The following STX17 variants were observed in gnomAD, a reference collection of about 807,000 sequenced individuals.
STX17 encodes syntaxin 17, also known as syntaxin-17.
STX17 carries 29 observed loss-of-function variants against 35.9 expected under a neutral mutation model. The ratio of observed to expected loss-of-function variants is 0.81; its 90% CI spans 0.60 to 1.10. The LOEUF (loss-of-function observed/expected upper bound fraction) is 1.10, where lower values mean the gene tolerates loss of function less well. STX17 is among the 50% of genes least tolerant of loss of function. The pLI, the probability that STX17 is intolerant of heterozygous loss-of-function variation, is 0.00. For missense variants in STX17, 312 were observed against 352.3 expected (o/e 0.89, Z 0.92); for synonymous variants, 92 against 118.3 (o/e 0.78, Z 1.44).
At chr9:99,953,366 G>A (rs1446085049) in intron 4 of STX17, among the ~76,000 whole-genome samples, 5 of 152,102 alleles carry the variant, frequency 3.3e-5, no homozygotes, top group East Asian at 3.9e-4. Context: ...AATTTCACAT[G>A]CACTGTAACC....
rs774422836 is a variant in STX17 at position 99,968,695 on chromosome 9, G to C, written c.*22G>C. The C allele has an allele frequency of 5.6e-6, 9 of 1,605,572 alleles. No homozygotes were observed. Among genetic ancestry groups the C allele is most frequent in the African/African-American group, 1.3e-5 (1 of 74,762 alleles). ...TTAAAAACCAAATTTCAGTATTATT[G>C]GTGCCAACATGTCTATCCTGAGGAC... On this transcript the variant is annotated 3_prime_UTR_variant, in exon 8 of 8. Transcript: ENST00000259400.
In STX17 at chr9:99,942,291, A is replaced by AT. The variant is rs1236881608; in HGVS notation, c.190-8762dup. 2.0e-5 allele frequency among the ~76,000 whole-genome samples: 3 copies of AT among 151,952 alleles called. 1 individual carries two copies. Among genetic ancestry groups the AT allele is most frequent in the Admixed American group, 1.3e-4 (2 of 15,264 alleles). On this transcript the variant is annotated intron_variant, in intron 3 of 7. Coordinates refer to ENST00000259400, the MANE Select transcript of STX17 (RefSeq NM_017919.3). The stretch of plus-strand genomic sequence containing the variant: ...GCCTAAGTTTCTGTGGGTTGTTTGT[A>AT]TTTTTTTATATTGATTTGTAAGACT...
chr9:99,935,660 A>T (rs998104418), intron 3 of STX17, among the ~76,000 whole-genome samples: 1 of 152,214 alleles, frequency 6.6e-6, no homozygotes, highest in Admixed American at 6.5e-5. Context: ...AATATGTTAG[A>T]TGATTATAAG....
At position 99,968,516 on chromosome 9, in the gene STX17, C is replaced by A; in HGVS notation, c.752C>A (p.Ala251Glu). 2 of 1,613,130 alleles carry A rather than the reference C, an allele frequency of 1.2e-6. No individual in the cohort carries two copies. The highest frequency in any genetic ancestry group is 1.1e-5 in the South Asian group (1 of 90,960). The change falls in exon 8 of 8, where the codon GCA becomes GAA. Residue 251 changes from alanine to glutamate, a missense_variant. By Grantham distance (107) the Ala-to-Glu change is moderately radical. Transcript: ENST00000259400. ...GMVGGPIGLL[A>E]GFKVAGIAAA... Reference sequence around the variant, plus strand: ...GTAGGGGGTCCTATTGGCCTCCTTGCAGGCTTCAAAGTGGCAGGAATTGCA... The same window carrying A: ...GTAGGGGGTCCTATTGGCCTCCTTGAAGGCTTCAAAGTGGCAGGAATTGCA...
rs1829093389 is a variant in STX17, at chr9:99,930,337, G to A, written c.189+1494G>A. Among the ~76,000 whole-genome samples the A allele has an allele frequency of 3.3e-5, 5 of 150,702 alleles. No homozygotes were observed. The South Asian group carries it at 6.3e-4, about 19-fold the overall frequency. ...GGCTGGAGTGCAGTGGCTCAATCTC[G>A]GCTCACTGCAAGCTCCTCCTCCTGG... On this transcript the variant is annotated intron_variant, in intron 3 of 7. Coordinates refer to ENST00000259400, the MANE Select transcript of STX17 (RefSeq NM_017919.3).
intron 1 of STX17, among the ~76,000 whole-genome samples, chr9:99,912,809 T>A (rs938172550): frequency 2.0e-5 from 3 of 152,214 alleles, no homozygotes; most frequent in Admixed American, 6.5e-5. Context: ...CTTTGTTCTT[T>A]CATCCACCCA....
chr9:99,968,592 A>C lies in STX17; in HGVS notation c.828A>C (p.Gln276His), dbSNP rs763726317. 1.2e-6 allele frequency: 2 copies of C among 1,613,974 alleles called. No individual in the cohort carries two copies. The highest frequency in any genetic ancestry group is 2.2e-5 in the South Asian group (2 of 91,078). The part of the protein sequence containing the change: ...VLGFTGGKLI[Q>H]RKKQKMMEKL... ...GCTTCACAGGTGGAAAATTGATACA[A>C]AGAAAGAAACAGAAAATGATGGAGA... The change falls in exon 8 of 8, where the codon CAA becomes CAC. Residue 276 changes from glutamine (Q) to histidine (H), a missense_variant. Coordinates refer to ENST00000259400, the MANE Select transcript of STX17 (RefSeq NM_017919.3).
rs1830024313 is a variant in STX17 at position 99,972,010 on chromosome 9, G to A, written c.*3337G>A. On this transcript the variant is annotated 3_prime_UTR_variant, in exon 8 of 8. Transcript: ENST00000259400. ...CAAAAAAATATTTAAAAAAAGGTGG[G>A]TCATCCATTCTCCTTTACCAAACAG... Among the ~76,000 whole-genome samples, 1 of 152,100 alleles carries A rather than the reference G, an allele frequency of 6.6e-6. No homozygotes were observed. Among genetic ancestry groups the A allele is most frequent in the African/African-American group, 2.4e-5 (1 of 41,408 alleles).
intron 3 of STX17, among the ~76,000 whole-genome samples, chr9:99,939,819 C>G (rs953489751): frequency 3.9e-5 from 6 of 152,194 alleles, no homozygotes; most frequent in African/African-American, 1.4e-4. Flanking sequence ...AATAGAGAAT[C>G]AAAAGCAAAA....
chr9:99,922,200 A>G (rs984494375), intron 2 of STX17, among the ~76,000 whole-genome samples: 9 of 152,160 alleles, frequency 5.9e-5, no homozygotes, highest in Non-Finnish European at 8.8e-5. Flanking sequence ...TTTGCCTTTC[A>G]GATTATTTAT....
chr9:99,915,056 C>T (rs1172715553), intron 1 of STX17, 122 bp from the exon 2 acceptor site: 2 of 511,006 alleles, frequency 3.9e-6, no homozygotes, highest in African/African-American at 4.0e-5. Context: ...ACAAGTCACT[C>T]AAGGTCAGCA....
At chr9:99,943,926 C>G (rs1564068331) in intron 3 of STX17, among the ~76,000 whole-genome samples, 1 of 151,910 alleles carries the variant, frequency 6.6e-6, no homozygotes, top group Non-Finnish European at 1.5e-5. Context: ...TGGGCTTTTT[C>G]TTTGTTTGTT....
At chr9:99,923,927 C>T (rs1481772345) in intron 2 of STX17, among the ~76,000 whole-genome samples, 1 of 152,168 alleles carries the variant, frequency 6.6e-6, no homozygotes. Flanking sequence ...CCTGGAGACA[C>T]CACCCTTCAG....
intron 3 of STX17, chr9:99,937,911 G>A (rs1397803116): frequency 1.3e-5 from 2 of 152,102 alleles, no homozygotes; most frequent in Admixed American, 6.6e-5. Context: ...ATCCTTTAGG[G>A]TCTTACTCTT....
intron 3 of STX17, among the ~76,000 whole-genome samples, chr9:99,935,857 G>A (rs969996092): frequency 2.6e-5 from 4 of 152,142 alleles, no homozygotes; most frequent in African/African-American, 9.7e-5. Context: ...GAGGTGAGAG[G>A]ATGTGGCATA....
chr9:99,935,041 A>G (rs1215994173), intron 3 of STX17, among the ~76,000 whole-genome samples: 1 of 152,122 alleles, frequency 6.6e-6, no homozygotes, highest in Non-Finnish European at 1.5e-5. Flanking sequence ...TAATTTATTA[A>G]AAGTGTAGGC....
intron 2 of STX17, among the ~76,000 whole-genome samples, chr9:99,920,006 G>T (rs1313270998): frequency 6.6e-6 from 1 of 152,258 alleles, no homozygotes; most frequent in African/African-American, 2.4e-5. Context: ...TCTTTTTAGT[G>T]TGTGAATATC....
At chr9:99,923,119 C>CT (rs1372267225) in intron 2 of STX17, among the ~76,000 whole-genome samples, 1 of 151,612 alleles carries the variant, frequency 6.6e-6, no homozygotes, top group Non-Finnish European at 1.5e-5. Context: ...CCTTTCCTCT[C>CT]TTTTTTTTCT....
At chr9:99,933,293 G>C (rs1829162973) in intron 3 of STX17, among the ~76,000 whole-genome samples, 2 of 152,076 alleles carry the variant, frequency 1.3e-5, no homozygotes, top group Non-Finnish European at 2.9e-5. Context: ...GTCTATTTCT[G>C]CACCAAATTC....
Sources: allele counts gnomAD v4.1 joint callset (sites outside exome capture counted in the v4.1 genomes callset), GRCh38; gene constraint gnomAD v4.1.1; transcripts MANE v1.5; gene names NCBI Gene and HGNC (gene_info 2026-07-23, HGNC 2026-07-21).